The following AXIN2 variants were observed in gnomAD, a reference collection of about 807,000 sequenced individuals.
The protein encoded by AXIN2 is axin-2.
Under a neutral mutation model 74.7 loss-of-function variants are expected in AXIN2, and 21 were observed. The ratio of observed to expected loss-of-function variants is 0.28; its 90% CI spans 0.20 to 0.40. The LOEUF (loss-of-function observed/expected upper bound fraction) is 0.40, where lower values mean the gene tolerates loss of function less well. AXIN2 is among the 10% of genes least tolerant of loss of function. AXIN2 has a pLI of 1.00. For synonymous variants in AXIN2, 532 were observed against 454.9 expected (o/e 1.17, Z -2.16); for missense variants, 1,144 against 1,111.1 (o/e 1.03, Z -0.42).
intron 10 of AXIN2, among the ~76,000 whole-genome samples, chr17:65,533,663 G>C (rs2043859908): frequency 6.6e-6 from 1 of 152,202 alleles, no homozygotes; most frequent in Non-Finnish European, 1.5e-5. Flanking sequence ...TGGTTCACCT[G>C]GTGGAAAGAG....
chr17:65,553,913 G>A (rs1471212992), intron 2 of AXIN2, among the ~76,000 whole-genome samples: 1 of 151,592 alleles, frequency 6.6e-6, no homozygotes, highest in Non-Finnish European at 1.5e-5. Context: ...ATTTCCTCAG[G>A]ACTGTTGTGC....
chr17:65,530,987 C>G (rs778979983), intron 10 of AXIN2, among the ~76,000 whole-genome samples: 1 of 152,166 alleles, frequency 6.6e-6, no homozygotes, highest in Admixed American at 6.5e-5. Context: ...AAACCCCTTC[C>G]GAGGAAATTA....
At position 65,541,557 on chromosome 17, in the gene AXIN2, T is replaced by C. The variant is rs1421324764; in HGVS notation, c.957A>G (p.Val319=). Residue 319 remains valine (V), a splice_region_variant and synonymous_variant, in exon 4 of 11, where the codon GTA becomes GTG. Transcript: ENST00000307078. The stretch of plus-strand genomic sequence containing the variant: ...CCACACGATAAGGAGGAATTCCATC[T>C]CTAAGGGAAAGGAAAAGACAGAATC... ...DDSMSMTDSS[V]DGIPPYRVGS... is the part of the protein sequence containing the mutation. The C allele has an allele frequency of 6.2e-7, 1 of 1,612,672 alleles. No homozygotes were observed. The highest frequency in any genetic ancestry group is 1.3e-5 in the African/African-American group (1 of 74,870).
chr17:65,557,147 G>A (rs747824735), intron 2 of AXIN2, among the ~76,000 whole-genome samples: 8 of 152,130 alleles, frequency 5.3e-5, no homozygotes, highest in Non-Finnish European at 8.8e-5. Flanking sequence ...TCGGACTCAT[G>A]AGCATTTAAA....
intron 3 of AXIN2, among the ~76,000 whole-genome samples, chr17:65,546,630 G>T (rs2044123666): frequency 6.6e-6 from 1 of 152,172 alleles, no homozygotes; most frequent in Non-Finnish European, 1.5e-5. Context: ...ACCCCACATG[G>T]ATGCCAAATG....
chr17:65,544,785 A>G (rs941888219), intron 3 of AXIN2, among the ~76,000 whole-genome samples: 1 of 152,164 alleles, frequency 6.6e-6, no homozygotes, highest in African/African-American at 2.4e-5. Flanking sequence ...CTTAGCTGCC[A>G]TTTGAGCCGA....
chr17:65,537,019 GTGCCTTTCCCAT>G lies in AXIN2; in HGVS notation c.1745_1756del (p.Asn582_Gly585del). 1 of 1,610,580 alleles carries G rather than the reference GTGCCTTTCCCAT, an allele frequency of 6.2e-7. No individual in the cohort carries two copies. ...GGCGGGCAGGGCCAGGCCCGGCTCCGTGCCTTTCCCATTGCGTTTGGGCAAGGTACTGCCTCT... is the reference window on the plus strand; with the variant it reads ...GGCGGGCAGGGCCAGGCCCGGCTCCGTGCGTTTGGGCAAGGTACTGCCTCT... On this transcript the variant is annotated inframe_deletion, in exon 7 of 11. Coordinates refer to ENST00000307078, the MANE Select transcript of AXIN2 (RefSeq NM_004655.4).
chr17:65,529,853 T>G lies in AXIN2; in HGVS notation c.*123A>C. ...CGAAGGCCCACTGGCCGATTCTTCCTTAGACTTTGTCTTCTTCATTGGTTT... is the reference window on the plus strand; with the variant it reads ...CGAAGGCCCACTGGCCGATTCTTCCGTAGACTTTGTCTTCTTCATTGGTTT... On this transcript the variant is annotated 3_prime_UTR_variant, in exon 11 of 11. Coordinates refer to ENST00000307078, the MANE Select transcript of AXIN2 (RefSeq NM_004655.4). 6.4e-7 allele frequency: 1 copy of G among 1,560,280 alleles called. No individual in the cohort carries two copies. Among genetic ancestry groups the G allele is most frequent in the Non-Finnish European group, 8.7e-7 (1 of 1,144,214 alleles).
In AXIN2 at chr17:65,537,808, T is replaced by C. The variant is rs1265240757; in HGVS notation, c.1228A>G (p.Thr410Ala). ...EDEEREGSELTLNSREGAPTQ... is the reference protein window; with the variant it reads ...EDEEREGSELALNSREGAPTQ... ...GGCGCCCCCTCCCGCGAATTGAGTG[T>C]GAGCTCGGAGCCCTCTCTCTCTTCA... is the stretch of plus-strand genomic sequence containing the variant. Residue 410 changes from threonine (T) to alanine (A), a missense_variant, in exon 6 of 11, where the codon ACA becomes GCA. Thr to Ala is a moderately conservative substitution (Grantham distance 58). Around this residue, in one of 4 missense-constraint regions of AXIN2, gnomAD observed 1,053 missense variants for 973.5 expected, o/e 1.08. Coordinates refer to ENST00000307078, the MANE Select transcript of AXIN2 (RefSeq NM_004655.4). 6.3e-7 allele frequency: 1 copy of C among 1,581,284 alleles called. No homozygotes were observed. Among genetic ancestry groups the C allele is most frequent in the Non-Finnish European group, 8.6e-7 (1 of 1,164,318 alleles).
Position 65,558,171 on chromosome 17 carries a change from C to T in AXIN2, c.450G>A (p.Lys150=). The change falls in exon 2 of 11, where the codon AAG becomes AAA. Residue 150 remains lysine, a synonymous_variant. Transcript: ENST00000307078. ...CTCTTATGTAGGTCTTGGTGGCAGG[C>T]TTCAGCTGCTTGGAGACAATGCTGT... ...ENNSIVSKQL[K]PATKTYIRDG... The T allele has an allele frequency of 2.5e-6, 4 of 1,613,982 alleles. No homozygotes were observed. The highest frequency in any genetic ancestry group is 2.5e-6 in the Non-Finnish European group (3 of 1,180,010).
In AXIN2 at chr17:65,529,197, A is replaced by G. The variant is rs1037204048; in HGVS notation, c.*779T>C. The G allele has an allele frequency of 1.7e-5, 4 of 234,448 alleles. No homozygotes were observed. The highest frequency in any genetic ancestry group is 3.4e-5 in the Non-Finnish European group (4 of 119,000). The allele number at this position is 234,448 out of a possible 1,614,324, so 14.5% of individuals were successfully genotyped here. A position where few individuals can be genotyped will look rare whatever the true frequency, so the allele number is the denominator to read the frequency against. On this transcript the variant is annotated 3_prime_UTR_variant, in exon 11 of 11. Coordinates refer to ENST00000307078, the MANE Select transcript of AXIN2 (RefSeq NM_004655.4). ...GGCTACATGAGGGGGAGCCTCAGTCACAGGATCAACCTGGGGCCCGAAGGA... is the reference window on the plus strand; with the variant it reads ...GGCTACATGAGGGGGAGCCTCAGTCGCAGGATCAACCTGGGGCCCGAAGGA...
At chr17:65,560,449 G>A (rs962558797) in intron 1 of AXIN2, 7 of 150,890 alleles carry the variant, frequency 4.6e-5, no homozygotes, top group African/African-American at 1.7e-4. Context: ...CAAGCGGGGG[G>A]CGCCGCTACC....
Position 65,528,644 on chromosome 17 carries a change from ACT to A in AXIN2, c.*1330_*1331del. 1 of 512,744 alleles carries A rather than the reference ACT, an allele frequency of 2.0e-6. No individual in the cohort carries two copies. Among genetic ancestry groups the A allele is most frequent in the Non-Finnish European group, 3.7e-6 (1 of 268,356 alleles). 31.8% of individuals were successfully genotyped at this position (512,744 alleles called of 1,614,324 possible). The stretch of plus-strand genomic sequence containing the variant: ...GTACCAAGTAATTTTCCTTAAATGA[ACT>A]CTTTATAATGCATAATTTACAGTAT... On this transcript the variant is annotated 3_prime_UTR_variant, in exon 11 of 11. Transcript: ENST00000307078.
intron 9 of AXIN2, among the ~76,000 whole-genome samples, chr17:65,534,750 G>A (rs893477957): frequency 1.4e-4 from 22 of 152,254 alleles, no homozygotes; most frequent in African/African-American, 4.3e-4. Context: ...CCAACATGGC[G>A]AAACCCTGTC....
chr17:65,535,761 G>A, intron 8 of AXIN2, 40 bp from the exon 9 acceptor site: 1 of 1,556,362 alleles, frequency 6.4e-7, no homozygotes, highest in Non-Finnish European at 8.9e-7. Flanking sequence ...GAGGTACACT[G>A]TTGTCCCCAG....
intron 5 of AXIN2, 102 bp downstream of exon 5, chr17:65,538,101 C>G: frequency 6.3e-7 from 1 of 1,582,038 alleles, no homozygotes; most frequent in Non-Finnish European, 8.6e-7. Context: ...GCATGCAACC[C>G]ACGCACATGC....
chr17:65,529,229 T>C lies in AXIN2; in HGVS notation c.*747A>G, dbSNP rs1343937880. ...CAACCTGGGGCCCGAAGGAGCAGGG[T>C]TCCCTGCCTCTCCCTCTGCAACAGA... is the stretch of plus-strand genomic sequence containing the variant. On this transcript the variant is annotated 3_prime_UTR_variant, in exon 11 of 11. Coordinates refer to ENST00000307078, the MANE Select transcript of AXIN2 (RefSeq NM_004655.4). The C allele has an allele frequency of 4.3e-6, 1 of 234,406 alleles. No homozygotes were observed. Among genetic ancestry groups the C allele is most frequent in the East Asian group, 6.0e-5 (1 of 16,614 alleles). The allele number at this position is 234,406 out of a possible 1,614,324, so 14.5% of individuals were successfully genotyped here. A position where few individuals can be genotyped will look rare whatever the true frequency, so the allele number is the denominator to read the frequency against.
intron 3 of AXIN2, among the ~76,000 whole-genome samples, chr17:65,543,314 C>T (rs2044069461): frequency 6.6e-6 from 1 of 152,190 alleles, no homozygotes; most frequent in Non-Finnish European, 1.5e-5. Context: ...GCCTCCTACT[C>T]ATGAGGCTCG....
intron 2 of AXIN2, among the ~76,000 whole-genome samples, chr17:65,550,650 C>A (rs2044178758): frequency 6.6e-6 from 1 of 152,156 alleles, no homozygotes; most frequent in African/African-American, 2.4e-5. Flanking sequence ...GCAAAGAAAT[C>A]AAGTGAGGGA....
Sources: gnomAD v4.1 joint callset for allele counts (sites outside exome capture counted in the v4.1 genomes callset) on GRCh38, gnomAD v4.1.1 for gene constraint, gnomAD v4.1.1 regional missense constraint, MANE v1.5 for transcripts, NCBI Gene and HGNC (gene_info 2026-07-23, HGNC 2026-07-21) for gene names.